DPYD: variants seen among roughly 807,000 people sequenced by gnomAD.
DPYD encodes dihydropyrimidine dehydrogenase, also known as dihydropyrimidine dehydrogenase [NADP(+)].
A neutral mutation model predicts 116.2 loss-of-function variants in DPYD; 109 were observed. That is an observed-to-expected ratio of 0.94 (90% CI 0.80 to 1.10). The LOEUF (loss-of-function observed/expected upper bound fraction) is 1.10. DPYD is among the 50% of genes least tolerant of loss of function. DPYD has a pLI of 0.00. For synonymous variants in DPYD, 440 were observed against 432.0 expected, an observed-to-expected ratio of 1.02 and a Z score of -0.23; for missense variants, 1,302 against 1,254.5, an observed-to-expected ratio of 1.04 and a Z score of -0.57.
chr1:97,110,441 C>T (rs796925055), intron 20 of DPYD, among the ~76,000 whole-genome samples: 3 of 152,194 alleles, frequency 2.0e-5, no homozygotes, highest in African/African-American at 7.2e-5. Context: ...CTCACGTACC[C>T]TGTGATCATC....
At chr1:97,509,351 G>T (rs1647608750) in intron 13 of DPYD, among the ~76,000 whole-genome samples, 1 of 151,996 alleles carries the variant, frequency 6.6e-6, no homozygotes, top group African/African-American at 2.4e-5. Flanking sequence ...CTTAGTAAAG[G>T]CTGGAAGAAT....
At chr1:97,665,339 TATA>T (rs371829871) in intron 8 of DPYD, among the ~76,000 whole-genome samples, 1 of 152,300 alleles carries the variant, frequency 6.6e-6, no homozygotes. Context: ...TAGACATTAA[TATA>T]ATAAGTGATC....
chr1:97,307,731 A>G (rs1191057086), intron 16 of DPYD, among the ~76,000 whole-genome samples: 1 of 151,932 alleles, frequency 6.6e-6, no homozygotes, highest in Admixed American at 6.6e-5. Context: ...GTGGAGACTT[A>G]GCTGTACAAA....
At chr1:97,756,861 C>T (rs1168564027) in intron 3 of DPYD, among the ~76,000 whole-genome samples, 3 of 152,056 alleles carry the variant, frequency 2.0e-5, no homozygotes, top group African/African-American at 4.8e-5. Context: ...TTTACTTTTG[C>T]TTTTCCCTCA....
intron 2 of DPYD, among the ~76,000 whole-genome samples, chr1:97,867,414 GGAAA>G (rs1188609083): frequency 6.6e-6 from 1 of 151,762 alleles, no homozygotes; most frequent in Non-Finnish European, 1.5e-5. Flanking sequence ...TTGAAATGAA[GGAAA>G]GATTTGAGTT....
At chr1:97,859,281 C>T (rs774935998) in intron 2 of DPYD, among the ~76,000 whole-genome samples, 8 of 152,034 alleles carry the variant, frequency 5.3e-5, no homozygotes, top group Non-Finnish European at 7.4e-5. Context: ...TAAAGAGCAG[C>T]GTATGGCAGA....
intron 20 of DPYD, among the ~76,000 whole-genome samples, chr1:97,175,397 T>C (rs142256267): frequency 6.6e-6 from 1 of 152,324 alleles, no homozygotes; most frequent in East Asian, 1.9e-4. Context: ...ATTATGGTGA[T>C]GTGCAAGGTC....
At chr1:97,339,359 C>A (rs867292977) in intron 16 of DPYD, among the ~76,000 whole-genome samples, 7 of 152,108 alleles carry the variant, frequency 4.6e-5, no homozygotes, top group Non-Finnish European at 5.9e-5. Context: ...AAAAGCCACA[C>A]ACCTAGACAT....
At chr1:97,231,777 TG>T (rs1164283644) in intron 19 of DPYD, among the ~76,000 whole-genome samples, 1 of 152,198 alleles carries the variant, frequency 6.6e-6, no homozygotes, top group East Asian at 1.9e-4. Flanking sequence ...AAATACTATA[TG>T]TAGCAGCAAT....
At chr1:97,731,316 T>A (rs894795374) in intron 4 of DPYD, among the ~76,000 whole-genome samples, 11 of 152,242 alleles carry the variant, frequency 7.2e-5, no homozygotes, top group Non-Finnish European at 1.6e-4. Flanking sequence ...AAAGCCTCCA[T>A]TCTAAGTACA....
intron 18 of DPYD, among the ~76,000 whole-genome samples, chr1:97,278,119 G>T (rs542903110): frequency 6.6e-6 from 1 of 152,268 alleles, no homozygotes; most frequent in East Asian, 1.9e-4. Flanking sequence ...TCTGTTCCAG[G>T]AAATGCAAAG....
At chr1:97,398,047 T>C (rs1052174708) in intron 14 of DPYD, among the ~76,000 whole-genome samples, 1 of 152,082 alleles carries the variant, frequency 6.6e-6, no homozygotes, top group African/African-American at 2.4e-5. Context: ...GTTGCACCCA[T>C]TAAATCATCA....
At chr1:97,751,910 G>A (rs1571300709) in intron 3 of DPYD, among the ~76,000 whole-genome samples, 3 of 151,684 alleles carry the variant, frequency 2.0e-5, no homozygotes, top group Admixed American at 1.3e-4. Flanking sequence ...TCACAGGCCT[G>A]TGCCACCACA....
Position 97,920,887 on chromosome 1 carries a change from G to T in DPYD, c.36C>A (p.Ile12=), listed in dbSNP as rs376273539. 1.3e-6 allele frequency: 2 copies of T among 1,592,688 alleles called. No individual in the cohort carries two copies. The highest frequency in any genetic ancestry group is 1.7e-6 in the Non-Finnish European group (2 of 1,170,104). ...CGAGCCGGCGCGAAGTCCGTACCTC[G>T]ATGTCCGCCGAGTCCTTACTGAGCA... is the stretch of plus-strand genomic sequence containing the variant. ...APVLSKDSAD[I]ESILALNPRT... is the part of the protein sequence containing the mutation. The change falls in exon 1 of 23, where the codon ATC becomes ATA. Residue 12 remains isoleucine (I), a synonymous_variant. Transcript: ENST00000370192.
chr1:97,442,994 A>G (rs1365264770), intron 14 of DPYD, among the ~76,000 whole-genome samples: 4 of 152,180 alleles, frequency 2.6e-5, no homozygotes, highest in Non-Finnish European at 5.9e-5. Context: ...GTTATATGTA[A>G]TCTTTCAAAA....
intron 16 of DPYD, among the ~76,000 whole-genome samples, chr1:97,349,720 C>T (rs1049224252): frequency 6.6e-6 from 1 of 152,042 alleles, no homozygotes; most frequent in Non-Finnish European, 1.5e-5. Flanking sequence ...TGTATATGTG[C>T]CACATTTTCT....
chr1:97,414,992 T>C (rs1314207049), intron 14 of DPYD, among the ~76,000 whole-genome samples: 1 of 152,248 alleles, frequency 6.6e-6, no homozygotes, highest in East Asian at 1.9e-4. Flanking sequence ...TAATATTTTC[T>C]TTATCAAATG....
At chr1:97,779,219 A>C (rs1571343671) in intron 3 of DPYD, among the ~76,000 whole-genome samples, 1 of 152,092 alleles carries the variant, frequency 6.6e-6, no homozygotes, top group Non-Finnish European at 1.5e-5. Context: ...CAAGTAACCT[A>C]AAATTTAGAA....
At chr1:97,858,693 A>T (rs1344866446) in intron 2 of DPYD, among the ~76,000 whole-genome samples, 3 of 151,922 alleles carry the variant, frequency 2.0e-5, no homozygotes, top group Non-Finnish European at 4.4e-5. Flanking sequence ...AAACTGGTTT[A>T]AAAAAAATGA....
Sources: allele counts gnomAD v4.1 joint callset (sites outside exome capture counted in the v4.1 genomes callset), GRCh38; gene constraint gnomAD v4.1.1; transcripts MANE v1.5; gene names NCBI Gene and HGNC (gene_info 2026-07-23, HGNC 2026-07-21).